ERAP1: variants seen among roughly 807,000 people sequenced by gnomAD.
The protein encoded by ERAP1 is adipocyte-derived leucine aminopeptidase.
Under a neutral mutation model 103.7 loss-of-function variants are expected in ERAP1, and 86 were observed. The ratio of observed to expected loss-of-function variants is 0.83; its 90% CI spans 0.70 to 0.99. The LOEUF is 0.99. Ranked by LOEUF, ERAP1 falls within the 50% of genes least tolerant of loss-of-function variation. The pLI is 0.00. For synonymous variants in ERAP1, 398 were observed against 402.4 expected (o/e 0.99, Z 0.13); for missense variants, 1,009 against 1,128.4 (o/e 0.89, Z 1.52).
At chr5:96,831,279 C>T in the ERAP1 span, among the ~76,000 whole-genome samples, 1 of 152,174 alleles carries the variant, frequency 6.6e-6, no homozygotes, top group African/African-American at 2.4e-5. Flanking sequence ...ACCATAACAG[C>T]ACTGAGGGGA....
chr5:96,918,917 C>G, the ERAP1 span: 1 of 152,158 alleles, frequency 6.6e-6, no homozygotes, highest in African/African-American at 2.4e-5. Flanking sequence ...GCTTCTTGCT[C>G]TCTGAAATGC....
chr5:96,792,337 C>T (rs1776822900), intron 7 of ERAP1, 145 bp from the exon 8 acceptor site: 2 of 695,522 alleles, frequency 2.9e-6, no homozygotes, highest in Admixed American at 2.6e-5. Flanking sequence ...ATTTATGAAA[C>T]AAAATAGAAT....
chr5:96,786,147 A>T, intron 12 of ERAP1, 176 bp from the exon 13 acceptor site: 1 of 656,760 alleles, frequency 1.5e-6, no homozygotes, highest in Non-Finnish European at 2.6e-6. Context: ...AGCTAACACT[A>T]GCTTTAGACA....
At chr5:96,917,276 T>TTTG in the ERAP1 span, among the ~76,000 whole-genome samples, 15 of 152,092 alleles carry the variant, frequency 9.9e-5, 1 homozygote, top group East Asian at 3.9e-4. Flanking sequence ...CCGACTAATT[T>TTTG]TTGTTGTTGT....
chr5:96,773,776 A>T (rs906110359), downstream of ERAP1: 7 of 152,418 alleles, frequency 4.6e-5, no homozygotes, highest in Non-Finnish European at 1.0e-4. Context: ...ATTTCCTGGT[A>T]GAGAATGCAG....
At chr5:96,852,211 T>C in the ERAP1 span, among the ~76,000 whole-genome samples, 2 of 152,240 alleles carry the variant, frequency 1.3e-5, no homozygotes, top group Non-Finnish European at 2.9e-5. Flanking sequence ...TGGCCTTATA[T>C]ACTCAGGATC....
exon 20 of ERAP1, chr5:96,761,124 A>G (rs13167972): frequency 0.34 from 52,210 of 152,022 alleles, 9,224 homozygotes; most frequent in Non-Finnish European, 0.39. Context: ...TTTGTGTAGC[A>G]TTAGATGAAT....
chr5:96,897,559 T>C, the ERAP1 span, among the ~76,000 whole-genome samples: 1 of 152,142 alleles, frequency 6.6e-6, no homozygotes, highest in African/African-American at 2.4e-5. Flanking sequence ...TTTAATGTGA[T>C]AGCACCTAGC....
the ERAP1 span, chr5:96,889,583 C>G: frequency 1.5e-6 from 1 of 673,682 alleles, no homozygotes; most frequent in Non-Finnish European, 2.7e-6. Context: ...AGGGCACACA[C>G]TGGAGGCTGG....
chr5:96,766,213 A>G, intron 19 of ERAP1: 1 of 865,212 alleles, frequency 1.2e-6, no homozygotes, highest in South Asian at 1.4e-5. Context: ...CCTCCCTTGA[A>G]ATAAATAGTA....
At chr5:96,851,113 T>A in the ERAP1 span, among the ~76,000 whole-genome samples, 278 of 152,284 alleles carry the variant, frequency 1.8e-3, 1 homozygote, top group Admixed American at 2.2e-3. Context: ...TAAGAAAGGG[T>A]TTCAGGTAAT....
the ERAP1 span, among the ~76,000 whole-genome samples, chr5:96,863,661 C>T: frequency 6.6e-6 from 1 of 152,098 alleles, no homozygotes; most frequent in African/African-American, 2.4e-5. Flanking sequence ...GACTTTGCTG[C>T]CTTTTTATGT....
At chr5:96,840,238 T>C in the ERAP1 span, among the ~76,000 whole-genome samples, 1 of 152,242 alleles carries the variant, frequency 6.6e-6, no homozygotes, top group Non-Finnish European at 1.5e-5. Flanking sequence ...ATATCGGGAC[T>C]GTGTGACTTA....
Position 96,800,981 on chromosome 5 carries a change from A to G in ERAP1, c.544T>C (p.Phe182Leu), listed in dbSNP as rs758323126. The part of the protein sequence containing the change: ...GELRILASTQ[F>L]EPTAARMAFP... The stretch of plus-strand genomic sequence containing the variant: ...GCCATTCTAGCTGCAGTGGGTTCAA[A>G]TTGTGTTGATGCTAGTATCCTAAAA... The change falls in exon 3 of 19, where the codon TTT becomes CTT. Residue 182 changes from phenylalanine to leucine, a missense_variant. Transcript: ENST00000443439. The G allele has an allele frequency of 6.2e-7, 1 of 1,614,174 alleles. No homozygotes were observed. The highest frequency in any genetic ancestry group is 8.5e-7 in the Non-Finnish European group (1 of 1,180,038).
rs776697620 is a variant in ERAP1, at chr5:96,790,588, C to T, written c.1376G>A (p.Ser459Asn). The change falls in exon 9 of 19, where the codon AGT becomes AAT. Residue 459 changes from serine to asparagine, a missense_variant. This residue lies in a region of ERAP1 where 611 missense variants were observed against 651.7 expected (regional missense o/e 0.94). Transcript: ENST00000443439. ...CTTCTGGAGATACTGTACAATACCA[C>T]TTTTAAATGCGTCAGCACTAAGATA... is the stretch of plus-strand genomic sequence containing the variant. ...REYLSADAFK[S>N]GIVQYLQKHS... The T allele has an allele frequency of 7.1e-5, 115 of 1,612,652 alleles. No homozygotes were observed. The Admixed American group carries it at 1.9e-3, about 26-fold the overall frequency.
chr5:96,782,156 G>A (rs1180547537), intron 15 of ERAP1, among the ~76,000 whole-genome samples: 1 of 151,698 alleles, frequency 6.6e-6, no homozygotes, highest in Non-Finnish European at 1.5e-5. Flanking sequence ...GACTACAGGC[G>A]CCCGCCACCA....
the ERAP1 span, among the ~76,000 whole-genome samples, chr5:96,818,086 AC>A: frequency 6.6e-6 from 1 of 152,250 alleles, no homozygotes; most frequent in African/African-American, 2.4e-5. Context: ...GTAATTAAGA[AC>A]AAAAAATAAT....
In ERAP1 at chr5:96,798,418, G is replaced by A. The variant is rs79417352; in HGVS notation, c.664-1109C>T. Among the ~76,000 whole-genome samples, 22 of 151,974 alleles carry A rather than the reference G, an allele frequency of 1.4e-4. No homozygotes were observed. The East Asian group carries it at 3.7e-3, about 25-fold the overall frequency. On this transcript the variant is annotated intron_variant, in intron 3 of 18. Transcript: ENST00000443439. ...GAGTAAGGGTGGGGTATAGTTGATG[G>A]AGGTACAGTCTTAGAGGTCTGCCCC...
downstream of ERAP1, chr5:96,771,691 T>A: frequency 6.2e-7 from 1 of 1,605,716 alleles, no homozygotes; most frequent in Non-Finnish European, 8.5e-7. Flanking sequence ...GAAATACAAG[T>A]TAAGGTATCT....
Sources: gnomAD v4.1 joint callset for allele counts (sites outside exome capture counted in the v4.1 genomes callset) on GRCh38, gnomAD v4.1.1 for gene constraint, gnomAD v4.1.1 regional missense constraint, MANE v1.5 for transcripts, NCBI Gene and HGNC (gene_info 2026-07-23, HGNC 2026-07-21) for gene names.